Variants in DSCAM observed in about 807,000 individuals in gnomAD.
The protein encoded by DSCAM is cell adhesion molecule DSCAM.
Under a neutral mutation model 217.7 loss-of-function variants are expected in DSCAM, and 47 were observed. The observed-to-expected ratio is 0.22, with a 90% CI of 0.17 to 0.28. The LOEUF is 0.28. DSCAM is among the 10% of genes least tolerant of loss of function. DSCAM has a pLI of 1.00. For missense variants in DSCAM, 2,080 were observed against 2,618.3 expected (o/e 0.79, Z 4.49); for synonymous variants, 1,056 against 1,015.3 (o/e 1.04, Z -0.76).
At chr21:40,125,196 T>C (rs910248957) in intron 19 of DSCAM, among the ~76,000 whole-genome samples, 1 of 152,188 alleles carries the variant, frequency 6.6e-6, no homozygotes, top group African/African-American at 2.4e-5. Flanking sequence ...GTAAACCAGC[T>C]AAGAAGGCAG....
At chr21:40,252,813 C>T (rs964495153) in intron 11 of DSCAM, among the ~76,000 whole-genome samples, 1 of 152,106 alleles carries the variant, frequency 6.6e-6, no homozygotes, top group Non-Finnish European at 1.5e-5. Context: ...ATCATTACTC[C>T]AGTCCCCACA....
intron 3 of DSCAM, among the ~76,000 whole-genome samples, chr21:40,493,839 G>T (rs1324315636): frequency 7.3e-6 from 1 of 136,656 alleles, no homozygotes; most frequent in African/African-American, 2.8e-5. Context: ...CTCCAGCTTG[G>T]GCAACAAGAG....
intron 24 of DSCAM, among the ~76,000 whole-genome samples, chr21:40,081,223 T>A (rs759680671): frequency 2.6e-5 from 4 of 152,324 alleles, no homozygotes; most frequent in African/African-American, 4.8e-5. Context: ...ATGTTCCTTC[T>A]CCACCCTGGC....
intron 19 of DSCAM, among the ~76,000 whole-genome samples, chr21:40,132,422 A>G (rs1234233080): frequency 6.6e-6 from 1 of 152,230 alleles, no homozygotes; most frequent in East Asian, 1.9e-4. Context: ...CTCAGGACTT[A>G]GCTTTCTAGA....
At chr21:40,158,058 T>C (rs905721244) in intron 16 of DSCAM, among the ~76,000 whole-genome samples, 3 of 152,198 alleles carry the variant, frequency 2.0e-5, no homozygotes, top group Non-Finnish European at 4.4e-5. Context: ...GACATCAACA[T>C]GCATGAATAG....
At chr21:40,236,818 A>G (rs1481841100) in intron 11 of DSCAM, among the ~76,000 whole-genome samples, 1 of 152,212 alleles carries the variant, frequency 6.6e-6, no homozygotes, top group African/African-American at 2.4e-5. Context: ...CGAAACAAAG[A>G]TGTTTCATCT....
intron 9 of DSCAM, among the ~76,000 whole-genome samples, chr21:40,309,854 C>T (rs2074118746): frequency 1.3e-5 from 2 of 152,288 alleles, no homozygotes; most frequent in African/African-American, 2.4e-5. Context: ...ACTCTTCTTG[C>T]TTTCTAGCCC....
chr21:40,563,726 GTTTA>G (rs1324342462), intron 3 of DSCAM, among the ~76,000 whole-genome samples: 1 of 141,652 alleles, frequency 7.1e-6, no homozygotes, highest in Non-Finnish European at 1.5e-5. Flanking sequence ...GTTTATATAT[GTTTA>G]TATGTTTATA....
chr21:40,626,076 T>C (rs534299932), intron 3 of DSCAM, among the ~76,000 whole-genome samples: 2 of 152,278 alleles, frequency 1.3e-5, no homozygotes, highest in East Asian at 3.9e-4. Context: ...ATTCAACAGA[T>C]ACAGAACCCA....
At chr21:40,412,750 T>C (rs2123798257) in intron 3 of DSCAM, among the ~76,000 whole-genome samples, 1 of 152,364 alleles carries the variant, frequency 6.6e-6, no homozygotes, top group Middle Eastern at 3.4e-3. Context: ...AAATCCAGTT[T>C]GCTGCAGAAA....
chr21:40,829,706 T>C (rs2091997696), intron 1 of DSCAM, among the ~76,000 whole-genome samples: 1 of 151,958 alleles, frequency 6.6e-6, no homozygotes, highest in Non-Finnish European at 1.5e-5. Context: ...ATTTGGAGGG[T>C]TTAATTTTTA....
At chr21:40,764,719 G>T (rs145408897) in intron 1 of DSCAM, among the ~76,000 whole-genome samples, 75 of 152,300 alleles carry the variant, frequency 4.9e-4, no homozygotes, top group Admixed American at 8.5e-4. Flanking sequence ...ATCAATGATA[G>T]ACTGGATAAA....
chr21:40,403,855 T>G (rs1050004826), intron 3 of DSCAM, among the ~76,000 whole-genome samples: 1 of 152,134 alleles, frequency 6.6e-6, no homozygotes, highest in African/African-American at 2.4e-5. Context: ...GCAGTTAAGT[T>G]TTAAGTGTTC....
At chr21:40,708,819 T>C (rs1227032877) in intron 1 of DSCAM, 48 bp from the exon 2 acceptor site, 1 of 1,323,560 alleles carries the variant, frequency 7.6e-7, no homozygotes, top group Non-Finnish European at 9.9e-7. Context: ...AACATGCCTT[T>C]GACATTTGCA....
At chr21:40,118,392 C>A (rs558283715) in intron 20 of DSCAM, among the ~76,000 whole-genome samples, 28 of 152,246 alleles carry the variant, frequency 1.8e-4, no homozygotes, top group African/African-American at 6.5e-4. Flanking sequence ...TTGAGAGCAG[C>A]CTGGCCAACA....
At chr21:40,694,718 T>C (rs904844301) in intron 2 of DSCAM, among the ~76,000 whole-genome samples, 3 of 151,432 alleles carry the variant, frequency 2.0e-5, no homozygotes, top group Non-Finnish European at 4.4e-5. Flanking sequence ...GGAGGTCCAC[T>C]AGGCAAAAAT....
chr21:40,626,062 T>C (rs565374541), intron 3 of DSCAM, among the ~76,000 whole-genome samples: 1 of 152,304 alleles, frequency 6.6e-6, no homozygotes, highest in South Asian at 2.1e-4. Flanking sequence ...GAGATGTTTA[T>C]GGAATTCAAC....
At chr21:40,231,078 A>C (rs1222098528) in intron 11 of DSCAM, among the ~76,000 whole-genome samples, 3 of 130,874 alleles carry the variant, frequency 2.3e-5, no homozygotes, top group Non-Finnish European at 3.2e-5. Context: ...GAAGGAATTT[A>C]TTTCTTGCAG....
At chr21:40,091,505 G>A (rs2089608762) in intron 21 of DSCAM, among the ~76,000 whole-genome samples, 1 of 151,942 alleles carries the variant, frequency 6.6e-6, no homozygotes, top group Non-Finnish European at 1.5e-5. Flanking sequence ...CAGGGACCAA[G>A]TGTGTCCTCC....
Sources: gnomAD v4.1 joint callset for allele counts (sites outside exome capture counted in the v4.1 genomes callset) on GRCh38, gnomAD v4.1.1 for gene constraint, MANE v1.5 for transcripts, NCBI Gene and HGNC (gene_info 2026-07-23, HGNC 2026-07-21) for gene names.